Variants in MOB1B observed in about 807,000 individuals in gnomAD.
The protein encoded by MOB1B is MOB1 Mps One Binder homolog B.
In MOB1B, 19 loss-of-function variants were observed where a neutral mutation model predicts 24.4. The observed-to-expected ratio is 0.78, with a 90% CI of 0.54 to 1.14. The LOEUF (loss-of-function observed/expected upper bound fraction) is 1.14. Among genes scored for constraint, MOB1B ranks in the 50% most tolerant of loss-of-function variants. MOB1B has a pLI of 0.00. For synonymous variants in MOB1B, 76 were observed against 82.1 expected (o/e 0.93, Z 0.40); for missense variants, 243 against 259.6 (o/e 0.94, Z 0.44).
At chr4:70,968,143 C>G (rs1355211525) in intron 2 of MOB1B, among the ~76,000 whole-genome samples, 4 of 152,174 alleles carry the variant, frequency 2.6e-5, no homozygotes, top group Non-Finnish European at 5.9e-5. Flanking sequence ...AGCCATCTTG[C>G]CCGGCCTATG....
At chr4:70,977,477 G>C (rs1202368809) in intron 4 of MOB1B, among the ~76,000 whole-genome samples, 1 of 151,948 alleles carries the variant, frequency 6.6e-6, no homozygotes, top group East Asian at 1.9e-4. Flanking sequence ...GTTTAACAAA[G>C]GATATGGGAT....
At chr4:70,960,248 T>C (rs1331866346) in intron 2 of MOB1B, among the ~76,000 whole-genome samples, 1 of 152,146 alleles carries the variant, frequency 6.6e-6, no homozygotes, top group Non-Finnish European at 1.5e-5. Context: ...AATATATTTA[T>C]GAGATGTTCT....
chr4:70,904,958 C>A (rs990100300), intron 1 of MOB1B, among the ~76,000 whole-genome samples: 4 of 152,204 alleles, frequency 2.6e-5, no homozygotes, highest in Admixed American at 6.6e-5. Context: ...AGAAATCTTG[C>A]TGTAACTAAT....
chr4:70,936,591 T>C (rs112136177), intron 1 of MOB1B, among the ~76,000 whole-genome samples: 28 of 152,304 alleles, frequency 1.8e-4, no homozygotes, highest in African/African-American at 6.5e-4. Context: ...TCCTGCACCA[T>C]AGCTGTCATA....
In MOB1B at chr4:70,979,272, A is replaced by G; in HGVS notation, c.554A>G (p.His185Arg). 6.2e-7 allele frequency: 1 copy of G among 1,613,120 alleles called. No individual in the cohort carries two copies. The highest frequency in any genetic ancestry group is 8.5e-7 in the Non-Finnish European group (1 of 1,179,744). ...EEAHLNTSFKHFIFFVQEFNL... is the reference protein window; with the variant it reads ...EEAHLNTSFKRFIFFVQEFNL... ...GCACATCTAAATACATCTTTCAAGC[A>G]CTTTATTTTTTTTGTCCAGGTAAGT... Residue 185 changes from histidine to arginine, a missense_variant, in exon 5 of 6, where the codon CAC becomes CGC. Coordinates refer to ENST00000309395, the MANE Select transcript of MOB1B (RefSeq NM_173468.4).
chr4:70,907,929 T>C (rs976723207), intron 1 of MOB1B, among the ~76,000 whole-genome samples: 3 of 152,116 alleles, frequency 2.0e-5, no homozygotes, highest in Non-Finnish European at 2.9e-5. Flanking sequence ...TATAGGTGCA[T>C]GCTACCACGC....
chr4:70,949,337 G>C (rs1394656046), intron 1 of MOB1B, among the ~76,000 whole-genome samples: 1 of 152,186 alleles, frequency 6.6e-6, no homozygotes, highest in Non-Finnish European at 1.5e-5. Context: ...TGTCTGTTCA[G>C]ACTGCTGTCT....
chr4:70,977,579 G>A (rs560572976), intron 4 of MOB1B, among the ~76,000 whole-genome samples: 41 of 152,260 alleles, frequency 2.7e-4, no homozygotes, highest in Admixed American at 5.2e-4. Context: ...GGTTATTATA[G>A]TGGAACAGAT....
At chr4:70,938,544 C>A (rs1477926091) in intron 1 of MOB1B, among the ~76,000 whole-genome samples, 1 of 151,888 alleles carries the variant, frequency 6.6e-6, no homozygotes, top group Non-Finnish European at 1.5e-5. Flanking sequence ...ATAGAATAAA[C>A]CTTTAGCTTT....
chr4:70,973,055 G>A (rs1211689746), intron 3 of MOB1B, among the ~76,000 whole-genome samples: 1 of 152,166 alleles, frequency 6.6e-6, no homozygotes, highest in East Asian at 1.9e-4. Context: ...TTACAGGCGT[G>A]AGCCACCACG....
intron 1 of MOB1B, among the ~76,000 whole-genome samples, chr4:70,918,702 C>T (rs1021985648): frequency 2.0e-5 from 3 of 152,060 alleles, no homozygotes; most frequent in Non-Finnish European, 4.4e-5. Context: ...TTAATTAGAT[C>T]CCATTTGTCA....
intron 1 of MOB1B, among the ~76,000 whole-genome samples, chr4:70,927,924 C>T (rs1736717976): frequency 6.6e-6 from 1 of 152,186 alleles, no homozygotes; most frequent in Admixed American, 6.5e-5. Context: ...CATCCCTCCC[C>T]CACAGTGTTC....
intron 2 of MOB1B, among the ~76,000 whole-genome samples, chr4:70,961,964 C>T (rs536014916): frequency 1.1e-3 from 174 of 152,228 alleles, no homozygotes; most frequent in Admixed American, 9.8e-4. Flanking sequence ...CATTGGCTCA[C>T]GCTATAATCC....
chr4:70,959,365 C>A lies in MOB1B; in HGVS notation c.181+325C>A, dbSNP rs535235048. On this transcript the variant is annotated intron_variant, in intron 2 of 5. Coordinates refer to ENST00000309395, the MANE Select transcript of MOB1B (RefSeq NM_173468.4). ...GCTGGGACTGTAGGCACATACCACC[C>A]TGCCTGGCTCATTTACAAACATGTT... is the stretch of plus-strand genomic sequence containing the variant. 5.9e-5 allele frequency among the ~76,000 whole-genome samples: 9 copies of A among 152,210 alleles called. No homozygotes were observed. The South Asian group carries it at 1.9e-3, about 32-fold the overall frequency.
chr4:70,935,659 CTT>C (rs201307780), intron 1 of MOB1B, among the ~76,000 whole-genome samples: 2 of 146,430 alleles, frequency 1.4e-5, no homozygotes, highest in Admixed American at 1.4e-4. Flanking sequence ...CCATTATACT[CTT>C]TTTTTTTTTC....
intron 2 of MOB1B, among the ~76,000 whole-genome samples, chr4:70,967,337 T>C (rs962564203): frequency 6.6e-6 from 1 of 152,214 alleles, no homozygotes; most frequent in African/African-American, 2.4e-5. Flanking sequence ...TTTCACCATA[T>C]TGTTCAGGCT....
chr4:70,928,585 C>T (rs1307488088), intron 1 of MOB1B, among the ~76,000 whole-genome samples: 1 of 152,110 alleles, frequency 6.6e-6, no homozygotes, highest in Non-Finnish European at 1.5e-5. Context: ...TGAGCCACCA[C>T]ACGTGGCCTG....
rs572932916 is a variant in MOB1B, at chr4:70,957,100, GT to G, written c.15-1758del. On this transcript the variant is annotated intron_variant, in intron 1 of 5. Transcript: ENST00000309395. ...TGGAAAGTGTAACCATTGTTTATGT[GT>G]TTTTTTTTTTTTTTTGGAATTCCAC... Among the ~76,000 whole-genome samples, 335 of 123,052 alleles carry G rather than the reference GT, an allele frequency of 2.7e-3. 1 individual carries two copies. Among genetic ancestry groups the G allele is most frequent in the African/African-American group, 3.8e-3 (130 of 34,134 alleles). The allele number at this position is 123,052 out of a possible 152,430, so 80.7% of individuals were successfully genotyped here.
chr4:70,976,468 C>CT (rs907072903), intron 4 of MOB1B: 2 of 984,946 alleles, frequency 2.0e-6, no homozygotes, highest in African/African-American at 3.5e-5. Flanking sequence ...AGTGACTTTG[C>CT]TTTTTTGTAT....
Sources: gnomAD v4.1 joint callset for allele counts (sites outside exome capture counted in the v4.1 genomes callset) on GRCh38, gnomAD v4.1.1 for gene constraint, MANE v1.5 for transcripts, NCBI Gene and HGNC (gene_info 2026-07-23, HGNC 2026-07-21) for gene names.